KLHL1: variants seen among roughly 807,000 people sequenced by gnomAD.
The protein encoded by KLHL1 is kelch-like protein 1.
In KLHL1, 47 loss-of-function variants were observed where a neutral mutation model predicts 77.7. That is an observed-to-expected ratio of 0.60 (90% CI 0.48 to 0.77). KLHL1 has a LOEUF of 0.77. Ranked by LOEUF, KLHL1 falls within the 30% of genes least tolerant of loss-of-function variation. KLHL1 has a pLI of 0.00. For synonymous variants in KLHL1, 360 were observed against 325.2 expected (o/e 1.11, Z -1.15); for missense variants, 925 against 910.8 (o/e 1.02, Z -0.20).
chr13:69,961,412 G>T lies in KLHL1; in HGVS notation c.713C>A (p.Ala238Glu), dbSNP rs1443717861. Residue 238 changes from alanine (A) to glutamate (E), a missense_variant, in exon 3 of 11, where the codon GCG becomes GAG. Physicochemically the swap from Ala to Glu is moderately radical, Grantham distance 107. Transcript: ENST00000377844. ...ACAAACATCACTTGTAAACATGGCC[G>T]CAAAATAGTCGGAGACTGAACTCAG... ...LVLSSVSDYF[A>E]AMFTSDVCEA... 1.9e-6 allele frequency: 3 copies of T among 1,612,802 alleles called. No homozygotes were observed. Among genetic ancestry groups the T allele is most frequent in the African/African-American group, 1.3e-5 (1 of 74,936 alleles).
intron 3 of KLHL1, among the ~76,000 whole-genome samples, chr13:69,954,004 C>A (rs1883792466): frequency 6.6e-6 from 1 of 151,132 alleles, no homozygotes; most frequent in East Asian, 1.9e-4. Context: ...ATTATTTTCC[C>A]TTTTTACATT....
chr13:69,841,653 C>T (rs1879266365), intron 5 of KLHL1, among the ~76,000 whole-genome samples: 1 of 151,772 alleles, frequency 6.6e-6, no homozygotes, highest in Non-Finnish European at 1.5e-5. Context: ...ATAGGCTAAA[C>T]ACAATCTCTT....
chr13:70,043,618 C>T (rs539477499), intron 1 of KLHL1, among the ~76,000 whole-genome samples: 1 of 152,072 alleles, frequency 6.6e-6, no homozygotes, highest in African/African-American at 2.4e-5. Context: ...TTTACTGTAC[C>T]TTTTCTATGC....
At chr13:69,996,314 TAA>T (rs1158786008) in intron 1 of KLHL1, among the ~76,000 whole-genome samples, 1 of 151,434 alleles carries the variant, frequency 6.6e-6, no homozygotes, top group African/African-American at 2.4e-5. Context: ...AAAAATAAAA[TAA>T]AAAAATTTAA....
intron 7 of KLHL1, among the ~76,000 whole-genome samples, chr13:69,751,615 A>G (rs1449045663): frequency 6.6e-6 from 1 of 152,158 alleles, no homozygotes; most frequent in African/African-American, 2.4e-5. Flanking sequence ...AGGAAGAGGC[A>G]GAATGATGTA....
At chr13:70,101,739 T>A (rs893871664) in intron 1 of KLHL1, among the ~76,000 whole-genome samples, 2 of 152,146 alleles carry the variant, frequency 1.3e-5, no homozygotes, top group African/African-American at 2.4e-5. Context: ...AACAGCCCTA[T>A]TTCTTACGAT....
chr13:69,956,959 G>T (rs150120644), intron 3 of KLHL1, among the ~76,000 whole-genome samples: 1,562 of 151,694 alleles, frequency 0.01, 26 homozygotes, highest in African/African-American at 0.035. Flanking sequence ...GCTACTTCTC[G>T]AGGTGATTTG....
intron 5 of KLHL1, among the ~76,000 whole-genome samples, chr13:69,851,292 A>G (rs1879680606): frequency 6.6e-6 from 1 of 151,746 alleles, no homozygotes; most frequent in African/African-American, 2.4e-5. Flanking sequence ...AGAAACTACT[A>G]CGCTTCCTTT....
At position 69,839,009 on chromosome 13, in the gene KLHL1, A is replaced by G. The variant is rs199985994; in HGVS notation, c.1381T>C (p.Leu461=). ...TTATCCATTCCTCCTACAGCATACA[A>G]AGTTCCGACTGTAGATTTTCTGGGT... The part of the protein sequence containing the change: ...TKPRKSTVGT[L]YAVGGMDNNK... The change falls in exon 6 of 11, where the codon TTG becomes CTG. Residue 461 remains leucine, a synonymous_variant. Coordinates refer to ENST00000377844, the MANE Select transcript of KLHL1 (RefSeq NM_020866.3). 2.5e-5 allele frequency: 41 copies of G among 1,609,376 alleles called. No homozygotes were observed. In the African/African-American group the frequency reaches 4.8e-4, roughly 19 times the overall value.
At chr13:69,842,371 G>T (rs75355572) in intron 5 of KLHL1, among the ~76,000 whole-genome samples, 6,753 of 151,860 alleles carry the variant, frequency 0.044, 207 homozygotes, top group African/African-American at 0.076. Flanking sequence ...CCATTAAAAA[G>T]TGGGCGAAGG....
intron 4 of KLHL1, among the ~76,000 whole-genome samples, chr13:69,939,378 T>TATATATATATATATATATATATAC (rs1200160699): frequency 2.8e-5 from 2 of 70,820 alleles, no homozygotes; most frequent in African/African-American, 1.3e-4. Flanking sequence ...TATATATATA[T>TATATATATATATATATATATATAC]ACACACACAC....
chr13:69,847,628 CATAT>C (rs1343663337), intron 5 of KLHL1, among the ~76,000 whole-genome samples: 1 of 151,378 alleles, frequency 6.6e-6, no homozygotes, highest in Non-Finnish European at 1.5e-5. Context: ...ATTATGAAAA[CATAT>C]ATAGTTATGA....
At chr13:69,744,261 T>A (rs1874108759) in intron 7 of KLHL1, among the ~76,000 whole-genome samples, 1 of 152,112 alleles carries the variant, frequency 6.6e-6, no homozygotes, top group Non-Finnish European at 1.5e-5. Flanking sequence ...TTTTGGTATT[T>A]GTAAAGTAAC....
At chr13:70,102,597 G>A (rs972784145) in intron 1 of KLHL1, among the ~76,000 whole-genome samples, 17 of 152,166 alleles carry the variant, frequency 1.1e-4, no homozygotes, top group African/African-American at 3.9e-4. Flanking sequence ...AAATAAGATT[G>A]GGCAAAATGG....
rs1464304606 is a variant in KLHL1, at chr13:69,991,388, CAAT to C, written c.498-15589_498-15587del. Among the ~76,000 whole-genome samples the C allele has an allele frequency of 1.2e-4, 18 of 151,344 alleles. No homozygotes were observed. The East Asian group carries it at 2.9e-3, about 25-fold the overall frequency. ...GGAGTTGGTTCTTTGAAAACAACAA[CAAT>C]GACAACAACAACAACAACAAAAAAC... On this transcript the variant is annotated intron_variant, in intron 1 of 10. Transcript: ENST00000377844.
intron 2 of KLHL1, among the ~76,000 whole-genome samples, chr13:69,970,736 G>C (rs1001635216): frequency 6.6e-6 from 1 of 152,062 alleles, no homozygotes; most frequent in Non-Finnish European, 1.5e-5. Context: ...CAGAGCTTCC[G>C]GAGAGATAAA....
intron 1 of KLHL1, among the ~76,000 whole-genome samples, chr13:70,057,705 A>G (rs12874502): frequency 0.29 from 40,523 of 141,140 alleles, 6,997 homozygotes; most frequent in South Asian, 0.5. Flanking sequence ...GAACCCGGGA[A>G]GCGGAGCTTG....
intron 7 of KLHL1, among the ~76,000 whole-genome samples, chr13:69,758,868 A>G (rs1874889485): frequency 6.6e-6 from 1 of 152,212 alleles, no homozygotes; most frequent in African/African-American, 2.4e-5. Context: ...TTACCTAGAA[A>G]ATACTCATTT....
At chr13:69,792,249 CAAG>C (rs1407566703) in intron 7 of KLHL1, among the ~76,000 whole-genome samples, 1 of 151,882 alleles carries the variant, frequency 6.6e-6, no homozygotes, top group Admixed American at 6.6e-5. Flanking sequence ...AACCCCAAGA[CAAG>C]AATAGGAAAA....
Sources: allele counts gnomAD v4.1 joint callset (sites outside exome capture counted in the v4.1 genomes callset), GRCh38; gene constraint gnomAD v4.1.1; transcripts MANE v1.5; gene names NCBI Gene and HGNC (gene_info 2026-07-23, HGNC 2026-07-21).